Variants in ACCSL observed in about 807,000 individuals in gnomAD.
ACCSL encodes the protein probable inactive 1-aminocyclopropane-1-carboxylate synthase-like protein 2.
Under a neutral mutation model 61.7 loss-of-function variants are expected in ACCSL, and 55 were observed. The ratio of observed to expected loss-of-function variants is 0.89; its 90% CI spans 0.72 to 1.12. The LOEUF is 1.12. ACCSL is among the 50% of genes most tolerant of loss of function. The probability of loss-of-function intolerance (pLI) is 0.00; values close to 1 mark genes in which losing one functional copy is unlikely to be tolerated. For synonymous variants in ACCSL, 258 were observed against 264.3 expected, an observed-to-expected ratio of 0.98 and a Z score of 0.23; for missense variants, 632 against 698.0, an observed-to-expected ratio of 0.91 and a Z score of 1.07.
the ACCSL span, among the ~76,000 whole-genome samples, chr11:44,004,342 G>T: frequency 6.6e-6 from 1 of 151,928 alleles, no homozygotes; most frequent in Non-Finnish European, 1.5e-5. Flanking sequence ...GCTCACCCCC[G>T]CATACCGCCC....
the ACCSL span, among the ~76,000 whole-genome samples, chr11:44,035,563 A>C: frequency 1.3e-5 from 2 of 152,142 alleles, no homozygotes; most frequent in Non-Finnish European, 2.9e-5. Context: ...GTAAAGCATT[A>C]GTTCCTCTCT....
Position 44,058,716 on chromosome 11 carries a change from T to C in ACCSL, c.1624+17T>C, listed in dbSNP as rs757397704. On this transcript the variant is annotated intron_variant, in intron 13 of 13. Transcript: ENST00000378832. ...TAAAATTGGGTGAGTGGAGCTGACC[T>C]CCCAATCCTTTAAAGACGCCCCATC... 23 of 1,597,320 alleles carry C rather than the reference T, an allele frequency of 1.4e-5. No individual in the cohort carries two copies. The highest frequency in any genetic ancestry group is 1.9e-5 in the Non-Finnish European group (22 of 1,170,130).
At chr11:43,948,889 C>G in the ACCSL span, among the ~76,000 whole-genome samples, 1 of 152,176 alleles carries the variant, frequency 6.6e-6, no homozygotes, top group East Asian at 1.9e-4. Context: ...TGAGGCTGAA[C>G]CCCCCTAGGG....
chr11:43,979,348 AAAAC>A, the ACCSL span, among the ~76,000 whole-genome samples: 88 of 152,242 alleles, frequency 5.8e-4, no homozygotes, highest in African/African-American at 2.0e-3. Flanking sequence ...GAAAAAAACA[AAAAC>A]AAAAAACAAA....
the ACCSL span, chr11:43,944,459 A>T: frequency 2.0e-5 from 3 of 153,612 alleles, no homozygotes; most frequent in Admixed American, 1.9e-4. Flanking sequence ...CTGCGGGGAA[A>T]ACCGCGGCCG....
At chr11:43,981,206 C>T in the ACCSL span, among the ~76,000 whole-genome samples, 1 of 152,190 alleles carries the variant, frequency 6.6e-6, no homozygotes. Flanking sequence ...GCTTGGGTAG[C>T]TCATGCCTCC....
chr11:44,057,039 A>C (rs1009500521), intron 11 of ACCSL, among the ~76,000 whole-genome samples: 1 of 152,106 alleles, frequency 6.6e-6, no homozygotes, highest in South Asian at 2.1e-4. Flanking sequence ...CAACACAAAC[A>C]CTCTGATTCT....
At chr11:43,989,768 G>T in the ACCSL span, among the ~76,000 whole-genome samples, 22 of 152,384 alleles carry the variant, frequency 1.4e-4, no homozygotes, top group Middle Eastern at 0.014. Context: ...GAGCCTTGCT[G>T]TTGGTGGCTG....
At chr11:43,940,652 A>G in the ACCSL span, among the ~76,000 whole-genome samples, 124 of 152,074 alleles carry the variant, frequency 8.2e-4, 2 homozygotes, top group East Asian at 0.022. Context: ...GAGCCACCGC[A>G]CCCGGCTGAA....
chr11:44,034,669 T>A, the ACCSL span, among the ~76,000 whole-genome samples: 1 of 152,278 alleles, frequency 6.6e-6, no homozygotes, highest in East Asian at 1.9e-4. Context: ...CCCATCCCCA[T>A]GATTCAATTA....
At chr11:43,950,945 A>G in the ACCSL span, among the ~76,000 whole-genome samples, 1 of 152,220 alleles carries the variant, frequency 6.6e-6, no homozygotes, top group South Asian at 2.1e-4. Flanking sequence ...ACTCTAAAAC[A>G]TAAGGCATTG....
chr11:44,022,594 A>G, the ACCSL span, among the ~76,000 whole-genome samples: 1 of 152,084 alleles, frequency 6.6e-6, no homozygotes, highest in Non-Finnish European at 1.5e-5. Flanking sequence ...TACTCATTTG[A>G]GTGCACTTTA....
At chr11:43,936,628 C>T in the ACCSL span, among the ~76,000 whole-genome samples, 1 of 152,184 alleles carries the variant, frequency 6.6e-6, no homozygotes, top group Non-Finnish European at 1.5e-5. Context: ...CCACCAAGGT[C>T]ACAGAATGAG....
the ACCSL span, among the ~76,000 whole-genome samples, chr11:43,953,452 C>T: frequency 2.8e-5 from 4 of 144,382 alleles, no homozygotes; most frequent in South Asian, 2.3e-4. Flanking sequence ...ACCCAGGAGG[C>T]GGAGGTTGCA....
chr11:44,037,325 T>C, the ACCSL span, among the ~76,000 whole-genome samples: 1 of 152,226 alleles, frequency 6.6e-6, no homozygotes, highest in African/African-American at 2.4e-5. Context: ...GAGTCCTGTC[T>C]GTAAAACAGA....
At chr11:43,989,197 A>G in the ACCSL span, among the ~76,000 whole-genome samples, 1 of 152,184 alleles carries the variant, frequency 6.6e-6, no homozygotes, top group African/African-American at 2.4e-5. Context: ...GCCGCTCATC[A>G]GCTGTGTGGC....
chr11:44,009,039 G>A, the ACCSL span, among the ~76,000 whole-genome samples: 2 of 152,096 alleles, frequency 1.3e-5, no homozygotes, highest in East Asian at 1.9e-4. Context: ...ATGGTGGCAT[G>A]TAAATGTGGT....
At chr11:44,051,504 C>A in intron 4 of ACCSL, 100 bp downstream of exon 4, 1 of 1,548,090 alleles carries the variant, frequency 6.5e-7, no homozygotes, top group Non-Finnish European at 8.9e-7. Context: ...CCAGTGAAGA[C>A]TCTCAGGGCC....
At chr11:44,009,852 A>G in the ACCSL span, among the ~76,000 whole-genome samples, 1 of 152,190 alleles carries the variant, frequency 6.6e-6, no homozygotes, top group African/African-American at 2.4e-5. Flanking sequence ...CCCATAGAAA[A>G]GGCTTCCTTG....
Sources: allele counts gnomAD v4.1 joint callset (sites outside exome capture counted in the v4.1 genomes callset), GRCh38; gene constraint gnomAD v4.1.1; transcripts MANE v1.5; gene names NCBI Gene and HGNC (gene_info 2026-07-23, HGNC 2026-07-21).